SH3GL3: variants seen among roughly 807,000 people sequenced by gnomAD.
SH3GL3 encodes the protein endophilin-A3.
A neutral mutation model predicts 47.7 loss-of-function variants in SH3GL3; 33 were observed. That is an observed-to-expected ratio of 0.69 (90% confidence interval 0.52 to 0.92). The LOEUF is 0.92. Among genes scored for constraint, SH3GL3 ranks in the 40% least tolerant of loss-of-function variants. The pLI, the probability that SH3GL3 is intolerant of heterozygous loss-of-function variation, is 0.00. For missense variants in SH3GL3, 363 were observed against 417.8 expected (o/e 0.87, Z 1.14); for synonymous variants, 155 against 148.8 (o/e 1.04, Z -0.30).
intron 1 of SH3GL3, among the ~76,000 whole-genome samples, chr15:83,508,791 C>T (rs1261565840): frequency 6.6e-6 from 1 of 151,752 alleles, no homozygotes; most frequent in East Asian, 1.9e-4. Context: ...TGGTTGGCCA[C>T]CATCATGTTG....
chr15:83,618,792 T>A, downstream of SH3GL3: 1 of 166,352 alleles, frequency 6.0e-6, no homozygotes, highest in South Asian at 1.5e-4. Context: ...AGCACAGTCT[T>A]CCAGCTGCAA....
At chr15:83,550,404 T>A (rs998107633) in intron 1 of SH3GL3, among the ~76,000 whole-genome samples, 5 of 152,206 alleles carry the variant, frequency 3.3e-5, no homozygotes, top group Non-Finnish European at 7.3e-5. Context: ...TTATTTATTT[T>A]TTTTGAGATG....
chr15:83,585,559 C>T (rs2059932688), intron 6 of SH3GL3, among the ~76,000 whole-genome samples: 1 of 152,160 alleles, frequency 6.6e-6, no homozygotes, highest in African/African-American at 2.4e-5. Flanking sequence ...GTTTCTGTAA[C>T]AAATTCTACT....
chr15:83,456,584 G>C (rs376888805), intron 1 of SH3GL3, among the ~76,000 whole-genome samples: 3 of 117,504 alleles, frequency 2.6e-5, no homozygotes, highest in Non-Finnish European at 3.5e-5. Flanking sequence ...AGGTGCGTCC[G>C]TCACCCCTTT....
At chr15:83,625,031 C>T in the SH3GL3 span, among the ~76,000 whole-genome samples, 18,590 of 152,004 alleles carry the variant, frequency 0.12, 1,563 homozygotes, top group Admixed American at 0.25. Context: ...GAGGCTGAGG[C>T]GGGTGGATTG....
chr15:83,603,088 T>C (rs536556550), intron 8 of SH3GL3, among the ~76,000 whole-genome samples: 27 of 151,524 alleles, frequency 1.8e-4, no homozygotes, highest in Admixed American at 1.3e-4. Flanking sequence ...CAACCTCCGC[T>C]TCCCAGGTTC....
chr15:83,632,291 G>T, the SH3GL3 span, among the ~76,000 whole-genome samples: 1 of 152,150 alleles, frequency 6.6e-6, no homozygotes, highest in Non-Finnish European at 1.5e-5. Context: ...CTGTTACCCA[G>T]TTCCAAAATT....
At position 83,590,692 on chromosome 15, in the gene SH3GL3, T is replaced by C. The variant is rs1404375463; in HGVS notation, c.838+1921T>C. On this transcript the variant is annotated intron_variant, in intron 8 of 8. Coordinates refer to ENST00000427482, the MANE Select transcript of SH3GL3 (RefSeq NM_003027.5). The stretch of plus-strand genomic sequence containing the variant: ...TAATGATGTTGAATATCTTTTCATG[T>C]GTTTATTTGCCATCTGTGTATCCTC... 2.0e-5 allele frequency among the ~76,000 whole-genome samples: 3 copies of C among 152,252 alleles called. No homozygotes were observed. In the East Asian group the frequency reaches 5.8e-4, roughly 29 times the overall value.
chr15:83,571,107 C>T (rs1028115536), intron 4 of SH3GL3, among the ~76,000 whole-genome samples: 1 of 152,166 alleles, frequency 6.6e-6, no homozygotes, highest in Non-Finnish European at 1.5e-5. Flanking sequence ...TGGGGGGCCA[C>T]ATACTGGGAC....
At chr15:83,600,186 TAGTTTA>T (rs2060343996) in intron 8 of SH3GL3, among the ~76,000 whole-genome samples, 1 of 152,224 alleles carries the variant, frequency 6.6e-6, no homozygotes, top group African/African-American at 2.4e-5. Flanking sequence ...AAAAGCTCTT[TAGTTTA>T]ATTAAGTCCC....
downstream of SH3GL3, among the ~76,000 whole-genome samples, chr15:83,622,859 C>T (rs2060918721): frequency 6.6e-6 from 1 of 152,252 alleles, no homozygotes; most frequent in Non-Finnish European, 1.5e-5. Context: ...GGCATCGCCT[C>T]TCCTACTGGC....
rs563380739 is a variant in SH3GL3 at position 83,498,006 on chromosome 15, T to A, written c.45+50428T>A. On this transcript the variant is annotated intron_variant, in intron 1 of 8. Transcript: ENST00000427482. ...AAATCAGTGATCACGAGGAGTTTGC[T>A]CTTGGTCATCTAGTCTTTTCACTCA... Among the ~76,000 whole-genome samples the A allele has an allele frequency of 6.6e-5, 10 of 152,312 alleles. No homozygotes were observed. The South Asian group carries it at 2.1e-3, about 32-fold the overall frequency.
intron 8 of SH3GL3, among the ~76,000 whole-genome samples, chr15:83,602,491 A>G (rs1467613887): frequency 6.6e-6 from 1 of 152,158 alleles, no homozygotes; most frequent in African/African-American, 2.4e-5. Flanking sequence ...ACAAGCTCCC[A>G]CAGGTCCCTT....
At chr15:83,571,111 C>G (rs992508043) in intron 4 of SH3GL3, among the ~76,000 whole-genome samples, 2 of 152,190 alleles carry the variant, frequency 1.3e-5, no homozygotes, top group Non-Finnish European at 1.5e-5. Flanking sequence ...GGGCCACATA[C>G]TGGGACCTCC....
At chr15:83,555,385 C>T (rs1428188628) in intron 1 of SH3GL3, among the ~76,000 whole-genome samples, 3 of 152,016 alleles carry the variant, frequency 2.0e-5, no homozygotes, top group Admixed American at 6.5e-5. Context: ...GTGATTTTGT[C>T]GGCTCTCTTT....
intron 1 of SH3GL3, among the ~76,000 whole-genome samples, chr15:83,484,201 C>G (rs765865623): frequency 3.3e-5 from 5 of 152,068 alleles, no homozygotes; most frequent in Non-Finnish European, 5.9e-5. Context: ...TCACATTTGC[C>G]CTCATCTTTT....
intron 1 of SH3GL3, among the ~76,000 whole-genome samples, chr15:83,523,258 T>C (rs541867223): frequency 6.6e-6 from 1 of 152,340 alleles, no homozygotes; most frequent in Admixed American, 6.5e-5. Flanking sequence ...GACATCTCAT[T>C]TGATTTTAGC....
the SH3GL3 span, among the ~76,000 whole-genome samples, chr15:83,627,607 T>A: frequency 5.3e-5 from 8 of 152,170 alleles, no homozygotes; most frequent in African/African-American, 1.4e-4. Flanking sequence ...ACTTTTTTTT[T>A]ATGGTATGTC....
chr15:83,492,361 C>T (rs1461954506), intron 1 of SH3GL3, among the ~76,000 whole-genome samples: 1 of 149,754 alleles, frequency 6.7e-6, no homozygotes, highest in Non-Finnish European at 1.5e-5. Context: ...TGAAGTCCAT[C>T]GGATTTAGAA....
Sources: gnomAD v4.1 joint callset for allele counts (sites outside exome capture counted in the v4.1 genomes callset) on GRCh38, gnomAD v4.1.1 for gene constraint, MANE v1.5 for transcripts, NCBI Gene and HGNC (gene_info 2026-07-23, HGNC 2026-07-21) for gene names.